Variants in PCDH15 observed in about 807,000 individuals in gnomAD.
The protein encoded by PCDH15 is protocadherin-15.
PCDH15 carries 129 observed loss-of-function variants against 178.5 expected under a neutral mutation model. The observed-to-expected ratio is 0.72, with a 90% CI of 0.63 to 0.84. The LOEUF is 0.84. Ranked by LOEUF, PCDH15 falls within the 40% of genes least tolerant of loss-of-function variation. The probability of loss-of-function intolerance (pLI) is 0.00; values close to 1 mark genes in which losing one functional copy is unlikely to be tolerated. For missense variants in PCDH15, 2,230 were observed against 2,099.9 expected (o/e 1.06, Z -1.21); for synonymous variants, 800 against 732.0 (o/e 1.09, Z -1.50).
intron 2 of PCDH15, among the ~76,000 whole-genome samples, chr10:54,940,138 T>C: frequency 6.6e-6 from 1 of 152,146 alleles, no homozygotes; most frequent in East Asian, 1.9e-4. Context: ...AGGTTACAGA[T>C]TTGTGATTAT....
chr10:55,248,603 C>T (rs1447207987), intron 1 of PCDH15, among the ~76,000 whole-genome samples: 1 of 152,096 alleles, frequency 6.6e-6, no homozygotes, highest in East Asian at 1.9e-4. Context: ...CAGAGTCTTA[C>T]TCTGTCCCCC....
rs1209562039 is a variant in PCDH15, at chr10:54,434,053, C to CA, written c.158-55112dup. On this transcript the variant is annotated intron_variant, in intron 3 of 37. Transcript: ENST00000644397. ...TAGCCCTAGGCTAAAATGTGTTTAA[C>CA]AAAAAAATTTAAATGTTAAAAAGTA... 2.6e-5 allele frequency among the ~76,000 whole-genome samples: 4 copies of CA among 151,326 alleles called. No individual in the cohort carries two copies. The South Asian group carries it at 6.3e-4, about 24-fold the overall frequency.
intron 1 of PCDH15, among the ~76,000 whole-genome samples, chr10:55,226,733 G>A (rs1241322071): frequency 6.6e-6 from 1 of 151,992 alleles, no homozygotes; most frequent in Non-Finnish European, 1.5e-5. Context: ...AGACCTTTTA[G>A]TAATAAGATA....
chr10:54,587,618 G>T (rs1418184771), intron 2 of PCDH15, among the ~76,000 whole-genome samples: 1 of 151,926 alleles, frequency 6.6e-6, no homozygotes, highest in African/African-American at 2.4e-5. Flanking sequence ...GATGAAAGCT[G>T]ATCCAAATTT....
chr10:54,227,701 GCTCTGTTTCC>G (rs2053603491), intron 9 of PCDH15, among the ~76,000 whole-genome samples: 2 of 152,160 alleles, frequency 1.3e-5, no homozygotes, highest in Non-Finnish European at 2.9e-5. Context: ...GAACTTTTAT[GCTCTGTTTCC>G]CTAATAAAAC....
chr10:54,128,695 A>G (rs183556399), intron 15 of PCDH15, among the ~76,000 whole-genome samples: 257 of 152,318 alleles, frequency 1.7e-3, no homozygotes, highest in Middle Eastern at 3.4e-3. Context: ...ACTCAGAATC[A>G]GGAACTTTTT....
chr10:54,493,471 GA>G (rs59477370), intron 3 of PCDH15, among the ~76,000 whole-genome samples: 11,212 of 152,092 alleles, frequency 0.074, 455 homozygotes, highest in East Asian at 0.11. Context: ...TTCTAAATTA[GA>G]AGAGATGGAT....
In PCDH15 at chr10:54,009,320, C is replaced by T. The variant is rs184579953; in HGVS notation, c.2751+10872G>A. The stretch of plus-strand genomic sequence containing the variant: ...TTAAGTATATAGACATGTGGACCCC[C>T]GAGAAATAAAGAACCCAGATCCTGA... On this transcript the variant is annotated intron_variant, in intron 20 of 37. Transcript: ENST00000644397. Among the ~76,000 whole-genome samples, 7 of 151,836 alleles carry T rather than the reference C, an allele frequency of 4.6e-5. No individual in the cohort carries two copies. The East Asian group carries it at 7.8e-4, about 17-fold the overall frequency.
intron 3 of PCDH15, among the ~76,000 whole-genome samples, chr10:54,850,650 T>C (rs1953602544): frequency 6.6e-6 from 1 of 152,192 alleles, no homozygotes; most frequent in South Asian, 2.1e-4. Flanking sequence ...AACCCTGCTA[T>C]ATTCATTATG....
At chr10:53,830,085 C>T (rs1204379437) in intron 30 of PCDH15, among the ~76,000 whole-genome samples, 6 of 152,082 alleles carry the variant, frequency 3.9e-5, no homozygotes, top group Non-Finnish European at 2.9e-5. Flanking sequence ...GGGCGGATCA[C>T]GAAGTTAGGA....
chr10:54,873,956 T>TTTTA (rs1373119591), intron 3 of PCDH15, among the ~76,000 whole-genome samples: 4 of 150,218 alleles, frequency 2.7e-5, no homozygotes, highest in South Asian at 2.1e-4. Flanking sequence ...CTTTTTTTTC[T>TTTTA]TTTATTTATT....
At chr10:54,277,314 T>C (rs1450812875) in intron 8 of PCDH15, among the ~76,000 whole-genome samples, 1 of 151,540 alleles carries the variant, frequency 6.6e-6, no homozygotes, top group African/African-American at 2.4e-5. Flanking sequence ...TTAGTGATCA[T>C]TGGGTGAGTG....
At chr10:53,821,595 G>C in intron 32 of PCDH15, 1 of 1,185,434 alleles carries the variant, frequency 8.4e-7, no homozygotes, top group Admixed American at 4.1e-5. Flanking sequence ...CACTAAAAAA[G>C]AGATTAAAAT....
intron 2 of PCDH15, among the ~76,000 whole-genome samples, chr10:54,909,858 A>C (rs2131833409): frequency 6.6e-6 from 1 of 152,098 alleles, no homozygotes; most frequent in Admixed American, 6.5e-5. Flanking sequence ...CTGCTCCCTG[A>C]TGATCAGGTG....
intron 2 of PCDH15, among the ~76,000 whole-genome samples, chr10:54,909,431 T>C (rs2131832960): frequency 6.6e-6 from 1 of 152,250 alleles, no homozygotes; most frequent in South Asian, 2.1e-4. Context: ...CAAGGTAGCA[T>C]GGGGCTGGTG....
chr10:54,864,908 A>C (rs1478574881), intron 3 of PCDH15: 1 of 152,160 alleles, frequency 6.6e-6, no homozygotes, highest in Non-Finnish European at 1.5e-5. Context: ...GAATCAATTC[A>C]ATAAGTTTAG....
chr10:54,224,390 T>C lies in PCDH15; in HGVS notation c.986-10342A>G, dbSNP rs531830268. On this transcript the variant is annotated intron_variant, in intron 9 of 37. Transcript: ENST00000644397. The stretch of plus-strand genomic sequence containing the variant: ...AACATTGTACGAGAATAGAAACACA[T>C]GTCTAAGTTCAAGGTCCCTACAGAA... 6.6e-5 allele frequency among the ~76,000 whole-genome samples: 10 copies of C among 152,276 alleles called. No homozygotes were observed. The South Asian group carries it at 2.1e-3, about 32-fold the overall frequency.
rs112275819 is a variant in PCDH15, at chr10:54,134,238, G to A, written c.1785-1231C>T. 2.3e-5 allele frequency among the ~76,000 whole-genome samples: 3 copies of A among 131,176 alleles called. 1 individual carries two copies. Among genetic ancestry groups the A allele is most frequent in the African/African-American group, 5.2e-5 (2 of 38,220 alleles). 86.1% of individuals were successfully genotyped at this position (131,176 alleles called of 152,430 possible). On this transcript the variant is annotated intron_variant, in intron 14 of 37. Transcript: ENST00000644397. ...TTTGTATTTTCAGTGGAGATGGGTT[G>A]TGCCATGTTGGCCAGGCTGGTCTCG... is the stretch of plus-strand genomic sequence containing the variant.
intron 3 of PCDH15, among the ~76,000 whole-genome samples, chr10:54,490,404 C>A (rs1035679173): frequency 7.9e-5 from 12 of 151,898 alleles, no homozygotes; most frequent in African/African-American, 2.9e-4. Context: ...GAGCTGAGAT[C>A]ACGCCACTGC....
Sources: gnomAD v4.1 joint callset for allele counts (sites outside exome capture counted in the v4.1 genomes callset) on GRCh38, gnomAD v4.1.1 for gene constraint, MANE v1.5 for transcripts, NCBI Gene and HGNC (gene_info 2026-07-23, HGNC 2026-07-21) for gene names.